Variants in CCDC172 observed in about 807,000 individuals in gnomAD.
The protein encoded by CCDC172 is coiled-coil domain containing 172.
Under a neutral mutation model 38.0 loss-of-function variants are expected in CCDC172, and 30 were observed. The ratio of observed to expected loss-of-function variants is 0.79; its 90% CI spans 0.59 to 1.07. CCDC172 has a LOEUF of 1.07. CCDC172 is among the 50% of genes least tolerant of loss of function. CCDC172 has a pLI of 0.00. For missense variants in CCDC172, 297 were observed against 290.1 expected, an observed-to-expected ratio of 1.02 and a Z score of -0.17; for synonymous variants, 78 against 88.3, an observed-to-expected ratio of 0.88 and a Z score of 0.66.
At chr10:116,355,386 C>T (rs1844983748) in intron 5 of CCDC172, among the ~76,000 whole-genome samples, 1 of 152,152 alleles carries the variant, frequency 6.6e-6, no homozygotes, top group South Asian at 2.1e-4. Context: ...TACAGTATAG[C>T]CTATGTGTGT....
rs78370117 is a variant in CCDC172 at position 116,332,341 on chromosome 10, T to C, written c.165+6953T>C. Among the ~76,000 whole-genome samples, 955 of 152,282 alleles carry C rather than the reference T, an allele frequency of 6.3e-3. 16 individuals carry two copies. The highest frequency in any genetic ancestry group is 0.022 in the African/African-American group (906 of 41,574). On this transcript the variant is annotated intron_variant, in intron 3 of 8. Coordinates refer to ENST00000333254, the MANE Select transcript of CCDC172 (RefSeq NM_198515.3). ...TCTACTTTTGCTTTTACTGCCATATTAACCATAATTCTGCACTATAAAACT... is the reference window on the plus strand; with the variant it reads ...TCTACTTTTGCTTTTACTGCCATATCAACCATAATTCTGCACTATAAAACT...
chr10:116,324,980 C>G lies in CCDC172; in HGVS notation c.-32C>G. 14 of 1,568,970 alleles carry G rather than the reference C, an allele frequency of 8.9e-6. No homozygotes were observed. Among genetic ancestry groups the G allele is most frequent in the Non-Finnish European group, 1.2e-5 (14 of 1,139,262 alleles). On this transcript the variant is annotated 5_prime_UTR_variant, in exon 2 of 9. Transcript: ENST00000333254. ...GAGTTGGTTATAAAATATTTAAGGG[C>G]GAGAAAAGGATCGCAGGAGCCAGGC...
chr10:116,342,153 A>G lies in CCDC172; in HGVS notation c.400A>G (p.Lys134Glu). Residue 134 changes from lysine to glutamate, a missense_variant, in exon 5 of 9, where the codon AAG becomes GAG. Physicochemically the swap from Lys to Glu is moderately conservative, Grantham distance 56 (BLOSUM62 1). Coordinates refer to ENST00000333254, the MANE Select transcript of CCDC172 (RefSeq NM_198515.3). The part of the protein sequence containing the change: ...KRELLMKENV[K>E]IEISDLENQA... Reference sequence around the variant, plus strand: ...AGAGCTTTTGATGAAAGAAAATGTCAAGATTGAAATATCTGACTTAGAAAA... The same window carrying G: ...AGAGCTTTTGATGAAAGAAAATGTCGAGATTGAAATATCTGACTTAGAAAA... 6.5e-7 allele frequency: 1 copy of G among 1,540,964 alleles called. No homozygotes were observed. The highest frequency in any genetic ancestry group is 1.4e-5 in the African/African-American group (1 of 69,144).
intron 5 of CCDC172, among the ~76,000 whole-genome samples, chr10:116,344,350 C>A (rs972951306): frequency 7.2e-5 from 11 of 152,208 alleles, no homozygotes; most frequent in African/African-American, 2.7e-4. Context: ...CCTATTGCTC[C>A]TAGGCTGTAA....
chr10:116,328,031 G>A (rs1346408050), intron 3 of CCDC172, among the ~76,000 whole-genome samples: 1 of 152,094 alleles, frequency 6.6e-6, no homozygotes, highest in East Asian at 1.9e-4. Context: ...CAGTGCTTGA[G>A]CTATTGTACA....
In CCDC172 at chr10:116,342,001, A is replaced by G. The variant is rs774234460; in HGVS notation, c.283-35A>G. 2.2e-6 allele frequency: 3 copies of G among 1,337,758 alleles called. No individual in the cohort carries two copies. In the Admixed American group the frequency reaches 8.3e-5, roughly 37 times the overall value. 82.9% of individuals were successfully genotyped at this position (1,337,758 alleles called of 1,614,324 possible). On this transcript the variant is annotated intron_variant, in intron 4 of 8. Transcript: ENST00000333254. ...TTAAGGAAAAATATTATTGCAACTAACACCTATATTTGATCTTTTATTTAT... is the reference window on the plus strand; with the variant it reads ...TTAAGGAAAAATATTATTGCAACTAGCACCTATATTTGATCTTTTATTTAT...
chr10:116,363,068 T>C (rs1187891317), intron 7 of CCDC172, among the ~76,000 whole-genome samples: 1 of 152,238 alleles, frequency 6.6e-6, no homozygotes, highest in Non-Finnish European at 1.5e-5. Flanking sequence ...TACAAAATAT[T>C]ACAGTGATTA....
intron 7 of CCDC172, among the ~76,000 whole-genome samples, chr10:116,371,837 T>C (rs1845188936): frequency 6.6e-6 from 1 of 152,032 alleles, no homozygotes; most frequent in Non-Finnish European, 1.5e-5. Flanking sequence ...ATCAAAACAC[T>C]GCAACTGTCT....
chr10:116,352,427 A>G (rs148369993), intron 5 of CCDC172, among the ~76,000 whole-genome samples: 1 of 152,360 alleles, frequency 6.6e-6, no homozygotes, highest in East Asian at 1.9e-4. Flanking sequence ...AATGATATAG[A>G]TGATGCAATT....
intron 7 of CCDC172, among the ~76,000 whole-genome samples, chr10:116,360,847 C>G (rs1311263701): frequency 2.0e-5 from 3 of 152,048 alleles, no homozygotes. Context: ...TTAAGTTAGT[C>G]TAATACTGGG....
At chr10:116,328,062 G>T (rs1414087385) in intron 3 of CCDC172, among the ~76,000 whole-genome samples, 1 of 152,064 alleles carries the variant, frequency 6.6e-6, no homozygotes, top group Admixed American at 6.6e-5. Flanking sequence ...CAGAAAATTT[G>T]GGGGGCATTT....
intron 5 of CCDC172, among the ~76,000 whole-genome samples, chr10:116,345,528 A>T (rs558519149): frequency 7.9e-5 from 12 of 152,330 alleles, no homozygotes; most frequent in Middle Eastern, 3.4e-3. Flanking sequence ...TAGAAGACAG[A>T]CAACAGTCTT....
intron 4 of CCDC172, among the ~76,000 whole-genome samples, chr10:116,341,351 C>T (rs913023109): frequency 2.6e-5 from 4 of 152,028 alleles, no homozygotes; most frequent in African/African-American, 9.7e-5. Context: ...TCAGAACCAA[C>T]ACACTTGGTG....
intron 3 of CCDC172, among the ~76,000 whole-genome samples, chr10:116,334,778 TTTGA>T (rs1414807430): frequency 6.6e-6 from 1 of 152,066 alleles, no homozygotes; most frequent in African/African-American, 2.4e-5. Flanking sequence ...TTTTTAAGGC[TTTGA>T]TTATTTTTAA....
At chr10:116,368,136 T>A (rs1845145063) in intron 7 of CCDC172, among the ~76,000 whole-genome samples, 1 of 152,164 alleles carries the variant, frequency 6.6e-6, no homozygotes, top group Non-Finnish European at 1.5e-5. Context: ...TAATGTTAAG[T>A]TTGATCCCTT....
At chr10:116,377,141 A>C (rs1845255923) in intron 7 of CCDC172, among the ~76,000 whole-genome samples, 2 of 152,218 alleles carry the variant, frequency 1.3e-5, no homozygotes, top group African/African-American at 4.8e-5. Context: ...TATGTAACAA[A>C]CCTGCACGTT....
intron 5 of CCDC172, among the ~76,000 whole-genome samples, chr10:116,354,552 C>T (rs1335892373): frequency 2.0e-5 from 3 of 151,658 alleles, no homozygotes; most frequent in South Asian, 2.1e-4. Flanking sequence ...GGTGAAACCC[C>T]GTCTCTACTA....
chr10:116,341,355 C>G (rs1844791529), intron 4 of CCDC172, among the ~76,000 whole-genome samples: 1 of 151,984 alleles, frequency 6.6e-6, no homozygotes, highest in South Asian at 2.1e-4. Context: ...AACCAACACA[C>G]TTGGTGGTTT....
intron 8 of CCDC172, among the ~76,000 whole-genome samples, 187 bp downstream of exon 8, chr10:116,378,697 G>A (rs1215964952): frequency 6.6e-6 from 1 of 152,048 alleles, no homozygotes; most frequent in Non-Finnish European, 1.5e-5. Context: ...TAGAGAGTTA[G>A]GTGCTACATG....
Sources: gnomAD v4.1 joint callset for allele counts (sites outside exome capture counted in the v4.1 genomes callset) on GRCh38, gnomAD v4.1.1 for gene constraint, MANE v1.5 for transcripts, NCBI Gene and HGNC (gene_info 2026-07-23, HGNC 2026-07-21) for gene names.